Variants in AGPAT4 observed in about 807,000 individuals in gnomAD.
The protein encoded by AGPAT4 is 1-acylglycerol-3-phosphate O-acyltransferase 4, also known as 1-acyl-sn-glycerol-3-phosphate acyltransferase delta.
Under a neutral mutation model 48.0 loss-of-function variants are expected in AGPAT4, and 15 were observed. That is an observed-to-expected ratio of 0.31 (90% CI 0.21 to 0.48). The LOEUF (loss-of-function observed/expected upper bound fraction) is 0.48, where lower values mean the gene tolerates loss of function less well. Ranked by LOEUF, AGPAT4 falls within the 20% of genes least tolerant of loss-of-function variation. The pLI is 0.99. For missense variants in AGPAT4, 314 were observed against 482.5 expected, an observed-to-expected ratio of 0.65 and a Z score of 3.27; for synonymous variants, 178 against 198.7, an observed-to-expected ratio of 0.90 and a Z score of 0.88.
In AGPAT4 at chr6:161,206,869, T is replaced by A. The variant is rs539205628; in HGVS notation, c.178+25167A>T. Among the ~76,000 whole-genome samples, 1 of 151,756 alleles carries A rather than the reference T, an allele frequency of 6.6e-6. No homozygotes were observed. Among genetic ancestry groups the A allele is most frequent in the African/African-American group, 2.4e-5 (1 of 41,374 alleles). On this transcript the variant is annotated intron_variant, in intron 2 of 8. Transcript: ENST00000320285. The surrounding 1 kb of genome is among the most constrained non-coding windows in gnomAD (Gnocchi z 4.8). Reference sequence around the variant, plus strand: ...AAGAACCAAGTGGAAAAGTAATTGGTCAAAATAAGACACTCAATGGATGAG... The same window carrying A: ...AAGAACCAAGTGGAAAAGTAATTGGACAAAATAAGACACTCAATGGATGAG...
rs1218281813 is a variant in AGPAT4 at position 161,140,289 on chromosome 6, C to CAGAA, written c.844-670_844-669insTTCT. 6.6e-6 allele frequency among the ~76,000 whole-genome samples: 1 copy of CAGAA among 152,216 alleles called. No homozygotes were observed. Among genetic ancestry groups the CAGAA allele is most frequent in the Admixed American group, 6.5e-5 (1 of 15,290 alleles). ...TCAGGACTGGGTGTCCAGGGTGACT[C>CAGAA]TTCTAAGTGATTGTTAGACCGTGTG... On this transcript the variant is annotated intron_variant, in intron 7 of 8. Coordinates refer to ENST00000320285, the MANE Select transcript of AGPAT4 (RefSeq NM_020133.3). This position sits in a 1 kb window ranked among gnomAD's most constrained non-coding sequence, Gnocchi z 6.5.
chr6:161,163,200 A>G (rs757505687), intron 3 of AGPAT4, among the ~76,000 whole-genome samples: 3 of 152,214 alleles, frequency 2.0e-5, no homozygotes, highest in African/African-American at 4.8e-5. Flanking sequence ...TAAAAATGCC[A>G]CCTTCGTGAA....
At position 161,138,082 on chromosome 6, in the gene AGPAT4, C is replaced by T. The variant is rs1328161991; in HGVS notation, c.1042+1340G>A. 1.3e-5 allele frequency among the ~76,000 whole-genome samples: 2 copies of T among 152,200 alleles called. No individual in the cohort carries two copies. Among genetic ancestry groups the T allele is most frequent in the African/African-American group, 4.8e-5 (2 of 41,456 alleles). On this transcript the variant is annotated intron_variant, in intron 8 of 8. Coordinates refer to ENST00000320285, the MANE Select transcript of AGPAT4 (RefSeq NM_020133.3). This position sits in a 1 kb window ranked among gnomAD's most constrained non-coding sequence, Gnocchi z 4.8. ...GAAGCAGAAGGGTTGAGCTTGCCCC[C>T]GCCCTACCAGGGGCCCTGGCACCTG...
chr6:161,238,775 G>A lies in AGPAT4; in HGVS notation c.-89-6473C>T, dbSNP rs1197272519. ...TCATGGGAGTGGTTACCCTGATGCT[G>A]TTCTTGTGATCGTGAGTTCTCATAA... On this transcript the variant is annotated intron_variant, in intron 1 of 8. Transcript: ENST00000320285. This position sits in a 1 kb window ranked among gnomAD's most constrained non-coding sequence, Gnocchi z 5.2. Among the ~76,000 whole-genome samples, 3 of 152,158 alleles carry A rather than the reference G, an allele frequency of 2.0e-5. No individual in the cohort carries two copies. The highest frequency in any genetic ancestry group is 1.3e-4 in the Admixed American group (2 of 15,280).
intron 1 of AGPAT4, among the ~76,000 whole-genome samples, chr6:161,253,208 A>G (rs546498179): frequency 6.3e-4 from 95 of 151,590 alleles, no homozygotes; most frequent in Non-Finnish European, 4.9e-4. Context: ...GCTAGACTCC[A>G]ACTCAAAAAA....
Position 161,130,642 on chromosome 6 carries a change from CA to C in AGPAT4, c.*5897del. 1 of 270,448 alleles carries C rather than the reference CA, an allele frequency of 3.7e-6. No individual in the cohort carries two copies. The highest frequency in any genetic ancestry group is 7.6e-6 in the Non-Finnish European group (1 of 131,218). 16.8% of individuals were successfully genotyped at this position (270,448 alleles called of 1,614,324 possible). A position where few individuals can be genotyped will look rare whatever the true frequency, so the allele number is the denominator to read the frequency against. ...AGATCTCTTTCCTTGATAGAACAAG[CA>C]AAAGAGGGGCTGATCCATCTCCCGT... On this transcript the variant is annotated 3_prime_UTR_variant, in exon 9 of 9. Transcript: ENST00000320285.
Position 161,166,499 on chromosome 6 carries a change from C to T in AGPAT4, c.179-82G>A, listed in dbSNP as rs1780102729. 1.4e-6 allele frequency: 2 copies of T among 1,476,872 alleles called. No individual in the cohort carries two copies. The highest frequency in any genetic ancestry group is 1.8e-6 in the Non-Finnish European group (2 of 1,105,352). The allele number at this position is 1,476,872 out of a possible 1,614,324, so 91.5% of individuals were successfully genotyped here. A position where few individuals can be genotyped will look rare whatever the true frequency, so the allele number is the denominator to read the frequency against. ...CTGCTGAGAGCAGGGCTCTGCCCTC[C>T]CAGCTAGGGGAGAAAGCAACTTCTA... On this transcript the variant is annotated intron_variant, in intron 2 of 8. Coordinates refer to ENST00000320285, the MANE Select transcript of AGPAT4 (RefSeq NM_020133.3). This position sits in a 1 kb window ranked among gnomAD's most constrained non-coding sequence, Gnocchi z 6.7.
chr6:161,153,816 C>T (rs533739511), intron 4 of AGPAT4, among the ~76,000 whole-genome samples: 2,095 of 130,412 alleles, frequency 0.016, 63 homozygotes, highest in African/African-American at 0.057. Context: ...GGGTCACACA[C>T]AGCCCTGGGG....
intron 1 of AGPAT4, among the ~76,000 whole-genome samples, chr6:161,252,211 A>AGT (rs1342747644): frequency 6.6e-6 from 1 of 152,206 alleles, no homozygotes; most frequent in Non-Finnish European, 1.5e-5. Context: ...GGTGGCAGTC[A>AGT]GTGACTCGTT....
rs1783251703 is a variant in AGPAT4 at position 161,266,002 on chromosome 6, G to C, written c.-90+7936C>G. ...CTCAGAAATGGGTTTGCTTTGATCG[G>C]ACCAACCGGATTCCTGAGTGTACCT... On this transcript the variant is annotated intron_variant, in intron 1 of 8. Transcript: ENST00000320285. The surrounding 1 kb of genome is among the most constrained non-coding windows in gnomAD (Gnocchi z 6.2). Among the ~76,000 whole-genome samples the C allele has an allele frequency of 6.6e-6, 1 of 152,134 alleles. No individual in the cohort carries two copies. Among genetic ancestry groups the C allele is most frequent in the East Asian group, 1.9e-4 (1 of 5,186 alleles).
chr6:161,268,945 T>C (rs1219092258), intron 1 of AGPAT4, among the ~76,000 whole-genome samples: 2 of 152,208 alleles, frequency 1.3e-5, no homozygotes, highest in African/African-American at 2.4e-5. Context: ...TGCACTGCTG[T>C]TACTATTAAG....
rs1262619772 is a variant in AGPAT4, at chr6:161,201,784, G to T, written c.178+30252C>A. Among the ~76,000 whole-genome samples the T allele has an allele frequency of 6.6e-6, 1 of 152,162 alleles. No homozygotes were observed. On this transcript the variant is annotated intron_variant, in intron 2 of 8. Coordinates refer to ENST00000320285, the MANE Select transcript of AGPAT4 (RefSeq NM_020133.3). This position sits in a 1 kb window ranked among gnomAD's most constrained non-coding sequence, Gnocchi z 6.0. ...TGCTCTCAGCTCTTAAGATACATTG[G>T]CTCTCTTCATTCTCTAACCAGTGCA...
rs865827392 is a variant in AGPAT4, at chr6:161,198,942, G to A, written c.179-32525C>T. ...ATATGTCAGAATTACTGCTGATATC[G>A]ATTCCTTTTTTGAAGCCCTAAGATT... On this transcript the variant is annotated intron_variant, in intron 2 of 8. Transcript: ENST00000320285. The surrounding 1 kb of genome is among the most constrained non-coding windows in gnomAD (Gnocchi z 4.3). Among the ~76,000 whole-genome samples, 3 of 152,190 alleles carry A rather than the reference G, an allele frequency of 2.0e-5. No homozygotes were observed. Among genetic ancestry groups the A allele is most frequent in the Middle Eastern group, 3.4e-3 (1 of 294 alleles).
At position 161,143,531 on chromosome 6, in the gene AGPAT4, C is replaced by G. The variant is rs146912921; in HGVS notation, c.843+2993G>C. Among the ~76,000 whole-genome samples, 1 of 152,288 alleles carries G rather than the reference C, an allele frequency of 6.6e-6. No homozygotes were observed. The highest frequency in any genetic ancestry group is 1.9e-4 in the East Asian group (1 of 5,188). On this transcript the variant is annotated intron_variant, in intron 7 of 8. Transcript: ENST00000320285. This position sits in a 1 kb window ranked among gnomAD's most constrained non-coding sequence, Gnocchi z 4.7. ...ACAATTAAGAAACCGTGATGGCTAT[C>G]GTGACCTCCCTGGAAAAAAGGGGGT...
chr6:161,189,261 C>T lies in AGPAT4; in HGVS notation c.179-22844G>A, dbSNP rs1021366032. ...GAGGCTTTCCCATCTGCGGACTGTC[C>T]TGCCTCCTCCCCATCTGGCTCTTGT... is the stretch of plus-strand genomic sequence containing the variant. On this transcript the variant is annotated intron_variant, in intron 2 of 8. Transcript: ENST00000320285. This position sits in a 1 kb window ranked among gnomAD's most constrained non-coding sequence, Gnocchi z 5.3. Among the ~76,000 whole-genome samples the T allele has an allele frequency of 6.6e-6, 1 of 152,138 alleles. No individual in the cohort carries two copies. Among genetic ancestry groups the T allele is most frequent in the African/African-American group, 2.4e-5 (1 of 41,442 alleles).
At chr6:161,182,354 C>G (rs557580184) in intron 2 of AGPAT4, among the ~76,000 whole-genome samples, 11 of 147,870 alleles carry the variant, frequency 7.4e-5, no homozygotes, top group African/African-American at 2.7e-4. Context: ...TCCCCTCACC[C>G]CAGCCCTGCA....
At chr6:161,153,750 C>A (rs184053884) in intron 4 of AGPAT4, among the ~76,000 whole-genome samples, 7 of 148,384 alleles carry the variant, frequency 4.7e-5, no homozygotes, top group East Asian at 2.0e-4. Context: ...CATATGGCCA[C>A]ACGATCACAC....
intron 1 of AGPAT4, among the ~76,000 whole-genome samples, chr6:161,273,090 G>C (rs1189861711): frequency 6.6e-6 from 1 of 152,146 alleles, no homozygotes; most frequent in Non-Finnish European, 1.5e-5. Flanking sequence ...TTATTTCAAT[G>C]ATCTCACCTC....
chr6:161,170,961 C>G (rs117299111), intron 2 of AGPAT4, among the ~76,000 whole-genome samples: 3 of 152,182 alleles, frequency 2.0e-5, no homozygotes, highest in Admixed American at 6.5e-5. Flanking sequence ...TGTCCCTGTA[C>G]GCTCACTCCA....
Sources: gnomAD v4.1 joint callset for allele counts (sites outside exome capture counted in the v4.1 genomes callset) on GRCh38, gnomAD v4.1.1 for gene constraint, Gnocchi (gnomAD v3.1) non-coding constraint, MANE v1.5 for transcripts, NCBI Gene and HGNC (gene_info 2026-07-23, HGNC 2026-07-21) for gene names.